FBXW9: variants seen among roughly 807,000 people sequenced by gnomAD.
The protein encoded by FBXW9 is F-box/WD repeat-containing protein 9.
Under a neutral mutation model 55.8 loss-of-function variants are expected in FBXW9, and 38 were observed. The ratio of observed to expected loss-of-function variants is 0.68; its 90% CI spans 0.53 to 0.89. The LOEUF (loss-of-function observed/expected upper bound fraction) is 0.89. Ranked by LOEUF, FBXW9 falls within the 40% of genes least tolerant of loss-of-function variation. The pLI is 0.00. For missense variants in FBXW9, 590 were observed against 619.4 expected (o/e 0.95, Z 0.50); for synonymous variants, 289 against 278.2 (o/e 1.04, Z -0.38).
Position 12,691,389 on chromosome 19 carries a change from C to A in FBXW9, c.744G>T (p.Val248=). ...RVCSGSWDST[V]KLWDMAADGQ... ...CATCCGCTGCCATGTCCCAGAGCTT[C>A]ACTGTGCTGTCCCAGGAGCCGGAGC... The change falls in exon 4 of 10, where the codon GTG becomes GTT. Residue 248 remains valine (V), a synonymous_variant. Coordinates refer to ENST00000393261, the MANE Select transcript of FBXW9 (RefSeq NM_032301.3). 3 of 1,612,608 alleles carry A rather than the reference C, an allele frequency of 1.9e-6. No individual in the cohort carries two copies. Among genetic ancestry groups the A allele is most frequent in the Non-Finnish European group, 2.5e-6 (3 of 1,179,446 alleles).
chr19:12,690,079 T>A lies in FBXW9; in HGVS notation c.915A>T (p.Leu305=). 1 of 1,613,866 alleles carries A rather than the reference T, an allele frequency of 6.2e-7. No individual in the cohort carries two copies. The highest frequency in any genetic ancestry group is 1.1e-5 in the South Asian group (1 of 91,084). ...GCAGGGTCAGCACGGGTCTGGAGTG[T>A]AGTTGCTGGTGCTTCAACAGGGCTG... ...AGPALLKHQQ[L]HSRPVLTLLA... is the part of the protein sequence containing the mutation. Residue 305 remains leucine, a synonymous_variant, in exon 6 of 10, where the codon CTA becomes CTT. Transcript: ENST00000393261.
In FBXW9 at chr19:12,691,324, G is replaced by C; in HGVS notation, c.791+18C>G. The stretch of plus-strand genomic sequence containing the variant: ...AGGGTCCTATCCCCGCAGGCCCCCT[G>C]CCCAGGCCCCCACACACTTTATCTC... On this transcript the variant is annotated intron_variant, in intron 4 of 9. Transcript: ENST00000393261. The C allele has an allele frequency of 6.2e-7, 1 of 1,613,092 alleles. No homozygotes were observed. The highest frequency in any genetic ancestry group is 1.1e-5 in the South Asian group (1 of 91,058).
chr19:12,691,480 C>T (rs2025008144), intron 3 of FBXW9, 26 bp from the exon 4 acceptor site: 1 of 1,526,628 alleles, frequency 6.6e-7, no homozygotes, highest in Non-Finnish European at 8.9e-7. Flanking sequence ...AGCAGTCACA[C>T]ACCTGCCACA....
In FBXW9 at chr19:12,689,663, A is replaced by G. The variant is rs1252154105; in HGVS notation, c.1147-33T>C. On this transcript the variant is annotated intron_variant, in intron 7 of 9. Coordinates refer to ENST00000393261, the MANE Select transcript of FBXW9 (RefSeq NM_032301.3). The surrounding 1 kb of genome is among the most constrained non-coding windows in gnomAD (Gnocchi z 5.9). ...AGGAGGATCAGGCAACACTCAGTCGAGGCTCTCCCAAGGCCCGCCCTCCCC... is the reference window on the plus strand; with the variant it reads ...AGGAGGATCAGGCAACACTCAGTCGGGGCTCTCCCAAGGCCCGCCCTCCCC... 1 of 1,611,762 alleles carries G rather than the reference A, an allele frequency of 6.2e-7. No homozygotes were observed. The highest frequency in any genetic ancestry group is 1.3e-5 in the African/African-American group (1 of 74,852).
At position 12,689,959 on chromosome 19, in the gene FBXW9, C is replaced by T; in HGVS notation, c.1032+3G>A. ...TCCCTCCAGGCCCCTGGGGAGGGCCCACCTGCAGACGCTGCAGGACGCTGT... is the reference window on the plus strand; with the variant it reads ...TCCCTCCAGGCCCCTGGGGAGGGCCTACCTGCAGACGCTGCAGGACGCTGT... On this transcript the variant is annotated splice_donor_region_variant and intron_variant, in intron 6 of 9. Coordinates refer to ENST00000393261, the MANE Select transcript of FBXW9 (RefSeq NM_032301.3). This position sits in a 1 kb window ranked among gnomAD's most constrained non-coding sequence, Gnocchi z 5.9. 2 of 1,613,696 alleles carry T rather than the reference C, an allele frequency of 1.2e-6. No homozygotes were observed. Among genetic ancestry groups the T allele is most frequent in the Non-Finnish European group, 8.5e-7 (1 of 1,179,794 alleles).
chr19:12,694,553 T>C (rs1271921260), intron 3 of FBXW9, 41 bp downstream of exon 3: 1 of 1,596,198 alleles, frequency 6.3e-7, no homozygotes, highest in African/African-American at 1.3e-5. Context: ...CAAGATGCCC[T>C]ACTCAGGCCT....
At chr19:12,695,409 T>C (rs1435459751) in intron 1 of FBXW9, among the ~76,000 whole-genome samples, 1 of 152,190 alleles carries the variant, frequency 6.6e-6, no homozygotes. Flanking sequence ...GATTCTGTGA[T>C]ATGGACGGGG....
Position 12,691,368 on chromosome 19 carries a change from C to T in FBXW9, c.765G>A (p.Ala255=), listed in dbSNP as rs780227171. 92 of 1,613,374 alleles carry T rather than the reference C, an allele frequency of 5.7e-5. No homozygotes were observed. Among genetic ancestry groups the T allele is most frequent in the South Asian group, 2.4e-4 (22 of 90,998 alleles). ...DSTVKLWDMA[A]DGQQFGEIKA... Reference sequence around the variant, plus strand: ...TTATCTCGCCGAACTGCTGCCCATCCGCTGCCATGTCCCAGAGCTTCACTG... The same window carrying T: ...TTATCTCGCCGAACTGCTGCCCATCTGCTGCCATGTCCCAGAGCTTCACTG... Residue 255 remains alanine (A), a synonymous_variant, in exon 4 of 10, where the codon GCG becomes GCA. Transcript: ENST00000393261.
rs766382061 is a variant in FBXW9 at position 12,689,235 on chromosome 19, A to G, written c.1358T>C (p.Val453Ala). The change falls in exon 10 of 10, where the codon GTC becomes GCC. Residue 453 changes from valine (V) to alanine (A), a missense_variant. By Grantham distance (64) the Val-to-Ala change is moderately conservative. Transcript: ENST00000393261. This position sits in a 1 kb window ranked among gnomAD's most constrained non-coding sequence, Gnocchi z 5.9. Reference protein sequence around the residue: ...VAGSGDLSLEVWRLQA With the variant: ...VAGSGDLSLEAWRLQA ...ACCTGCTCAGGCCTGCAGCCTCCAG[A>G]CCTCTAGCGACAGGTCTCCAGAGCC... 1 of 1,611,578 alleles carries G rather than the reference A, an allele frequency of 6.2e-7. No individual in the cohort carries two copies. The highest frequency in any genetic ancestry group is 1.7e-5 in the Admixed American group (1 of 60,018).
chr19:12,692,418 G>T (rs1037260329), intron 3 of FBXW9, among the ~76,000 whole-genome samples: 53 of 151,520 alleles, frequency 3.5e-4, no homozygotes, highest in Non-Finnish European at 4.7e-4. Flanking sequence ...TAGAGCCGGG[G>T]TTTCTCCATG....
At position 12,696,338 on chromosome 19, in the gene FBXW9, G is replaced by C. The variant is rs1415034174; in HGVS notation, c.244C>G (p.Leu82Val). The C allele has an allele frequency of 3.8e-6, 6 of 1,597,282 alleles. No homozygotes were observed. The highest frequency in any genetic ancestry group is 1.6e-4 in the Middle Eastern group (1 of 6,062). The change falls in exon 1 of 10, where the codon CTT becomes GTT. Residue 82 changes from leucine to valine, a missense_variant. Transcript: ENST00000393261. ...SAVSEPGLLS[L>V]PPELLLEICS... ...ATCTCGAGCAGCAGCTCCGGGGGAA[G>C]GCTCAGAAGGCCCGGCTCACTTACG... is the stretch of plus-strand genomic sequence containing the variant.
At position 12,689,191 on chromosome 19, in the gene FBXW9, A is replaced by T; in HGVS notation, c.*25T>A. ...GGAGGAAGCCCAGCCTCCGGCAGGC[A>T]GTATCCACATCCACGCCCACCTGCT... On this transcript the variant is annotated 3_prime_UTR_variant, in exon 10 of 10. Transcript: ENST00000393261. The surrounding 1 kb of genome is among the most constrained non-coding windows in gnomAD (Gnocchi z 5.9). 6.6e-7 allele frequency: 1 copy of T among 1,524,672 alleles called. No individual in the cohort carries two copies. The highest frequency in any genetic ancestry group is 1.7e-5 in the Admixed American group (1 of 59,910). The allele number at this position is 1,524,672 out of a possible 1,614,324, so 94.4% of individuals were successfully genotyped here.
At chr19:12,693,559 T>TACACAC (rs1452864814) in intron 3 of FBXW9, among the ~76,000 whole-genome samples, 6 of 10,990 alleles carry the variant, frequency 5.5e-4, no homozygotes, top group African/African-American at 1.5e-3. Flanking sequence ...TATATATATA[T>TACACAC]ATACACACAC....
intron 3 of FBXW9, among the ~76,000 whole-genome samples, chr19:12,693,199 C>T (rs901532085): frequency 6.6e-6 from 1 of 151,968 alleles, no homozygotes; most frequent in South Asian, 2.1e-4. Flanking sequence ...TCTCAGCTAC[C>T]GGCCTGACCA....
Position 12,696,512 on chromosome 19 carries a change from T to A in FBXW9, c.70A>T (p.Thr24Ser), listed in dbSNP as rs780168680. 1 of 1,612,700 alleles carries A rather than the reference T, an allele frequency of 6.2e-7. No individual in the cohort carries two copies. Among genetic ancestry groups the A allele is most frequent in the East Asian group, 2.2e-5 (1 of 44,878 alleles). Residue 24 changes from threonine (T) to serine (S), a missense_variant, in exon 1 of 10, where the codon ACA becomes TCA. Coordinates refer to ENST00000393261, the MANE Select transcript of FBXW9 (RefSeq NM_032301.3). The part of the protein sequence containing the change: ...WDDDSDPESE[T>S]DPDAQAKAYV... Reference sequence around the variant, plus strand: ...GCCTTGGCCTGCGCGTCTGGGTCTGTCTCTGACTCTGGGTCCGAGTCATCG... The same window carrying A: ...GCCTTGGCCTGCGCGTCTGGGTCTGACTCTGACTCTGGGTCCGAGTCATCG...
In FBXW9 at chr19:12,694,210, A is replaced by C. The variant is rs1307209399; in HGVS notation, c.678+384T>G. 2.0e-5 allele frequency among the ~76,000 whole-genome samples: 3 copies of C among 149,736 alleles called. No homozygotes were observed. In the Admixed American group the frequency reaches 2.0e-4, roughly 10 times the overall value. ...AAAAAAATTAGACAGGTGTGGTGGC[A>C]TGCACCTGTAGTCCCAGCTACTCAG... On this transcript the variant is annotated intron_variant, in intron 3 of 9. Transcript: ENST00000393261.
intron 1 of FBXW9, 49 bp from the exon 2 acceptor site, chr19:12,694,987 C>T: frequency 6.3e-7 from 1 of 1,581,604 alleles, no homozygotes; most frequent in Non-Finnish European, 8.6e-7. Context: ...ACCCTAGCAC[C>T]CATGCCAGCT....
Position 12,691,421 on chromosome 19 carries a change from G to A in FBXW9, c.712C>T (p.Arg238Cys), listed in dbSNP as rs770468401. 13 of 1,599,238 alleles carry A rather than the reference G, an allele frequency of 8.1e-6. No individual in the cohort carries two copies. In the Middle Eastern group the frequency reaches 6.6e-4, roughly 81 times the overall value. The change falls in exon 4 of 10, where the codon CGC (arginine) becomes TGC (cysteine). Residue 238 changes from arginine to cysteine, a missense_variant. Arg to Cys is a radical substitution (Grantham distance 180). Transcript: ENST00000393261. ...WVWSLAAQDH[R>C]VCSGSWDSTV... Reference sequence around the variant, plus strand: ...CTGTCCCAGGAGCCGGAGCACACGCGGTGGTCCTGCGCTGCCAGTGACCAC... The same window carrying A: ...CTGTCCCAGGAGCCGGAGCACACGCAGTGGTCCTGCGCTGCCAGTGACCAC...
Position 12,689,988 on chromosome 19 carries a change from C to T in FBXW9, c.1006G>A (p.Ala336Thr), listed in dbSNP as rs1005551187. The T allele has an allele frequency of 3.7e-6, 6 of 1,613,884 alleles. No homozygotes were observed. The highest frequency in any genetic ancestry group is 5.1e-6 in the Non-Finnish European group (6 of 1,180,042). The change falls in exon 6 of 10, where the codon GCC becomes ACC. Residue 336 changes from alanine to threonine, a missense_variant. Ala to Thr is a moderately conservative substitution (Grantham distance 58). Transcript: ENST00000393261. The surrounding 1 kb of genome is among the most constrained non-coding windows in gnomAD (Gnocchi z 5.9). ...DHTLVVVDRRANSVLQRLQLD... is the reference protein window; with the variant it reads ...DHTLVVVDRRTNSVLQRLQLD... The stretch of plus-strand genomic sequence containing the variant: ...TGCAGACGCTGCAGGACGCTGTTGG[C>T]TCGGCGGTCCACCACCACCAGGGTG...
Sources: gnomAD v4.1 joint callset for allele counts (sites outside exome capture counted in the v4.1 genomes callset) on GRCh38, gnomAD v4.1.1 for gene constraint, Gnocchi (gnomAD v3.1) non-coding constraint, MANE v1.5 for transcripts, NCBI Gene and HGNC (gene_info 2026-07-23, HGNC 2026-07-21) for gene names.